CDH13: variants seen among roughly 807,000 people sequenced by gnomAD.
The protein encoded by CDH13 is cadherin-13.
CDH13 carries 24 observed loss-of-function variants against 63.8 expected under a neutral mutation model. The ratio of observed to expected loss-of-function variants is 0.38; its 90% CI spans 0.27 to 0.53. CDH13 has a LOEUF of 0.53. CDH13 is among the 20% of genes least tolerant of loss of function. The pLI, the probability that CDH13 is intolerant of heterozygous loss-of-function variation, is 0.85. For missense variants in CDH13, 1,049 were observed against 903.1 expected (o/e 1.16, Z -2.07); for synonymous variants, 503 against 355.3 (o/e 1.42, Z -4.67).
At chr16:83,519,999 C>T (rs934090559) in intron 7 of CDH13, among the ~76,000 whole-genome samples, 5 of 152,074 alleles carry the variant, frequency 3.3e-5, no homozygotes, top group African/African-American at 1.2e-4. Flanking sequence ...ATCTCATATT[C>T]AGGAAAAGGG....
At chr16:83,561,175 A>G (rs1199628986) in intron 7 of CDH13, among the ~76,000 whole-genome samples, 1 of 152,062 alleles carries the variant, frequency 6.6e-6, no homozygotes, top group African/African-American at 2.4e-5. Flanking sequence ...GGCCGGGCGC[A>G]GTGGCTCACA....
chr16:82,725,769 T>C (rs141570319), intron 1 of CDH13, among the ~76,000 whole-genome samples: 2,974 of 152,296 alleles, frequency 0.02, 74 homozygotes, highest in Middle Eastern at 0.078. Context: ...CTCTGAGAAA[T>C]GTTCTTTTTT....
intron 1 of CDH13, among the ~76,000 whole-genome samples, chr16:82,806,976 G>T (rs1186826900): frequency 6.6e-6 from 1 of 152,126 alleles, no homozygotes; most frequent in Non-Finnish European, 1.5e-5. Flanking sequence ...AGACAACTAT[G>T]GGTAGCAAAG....
rs979483089 is a variant in CDH13, at chr16:83,047,863, T to C, written c.366+15645T>C. 2.0e-5 allele frequency among the ~76,000 whole-genome samples: 3 copies of C among 152,186 alleles called. No homozygotes were observed. The highest frequency in any genetic ancestry group is 1.5e-5 in the Non-Finnish European group (1 of 68,032). The stretch of plus-strand genomic sequence containing the variant: ...TAATAACTCTATAATATAGGTCCTA[T>C]TTTATCTTCATTTTACAGGTGAATA... On this transcript the variant is annotated intron_variant, in intron 3 of 13. Coordinates refer to ENST00000567109, the MANE Select transcript of CDH13 (RefSeq NM_001257.5). The surrounding 1 kb of genome is among the most constrained non-coding windows in gnomAD (Gnocchi z 4.9).
In CDH13 at chr16:82,871,081, C is replaced by G. The variant is rs145655416; in HGVS notation, c.157+12608C>G. 4.0e-3 allele frequency among the ~76,000 whole-genome samples: 605 copies of G among 152,296 alleles called. 4 individuals are homozygous for G. Among genetic ancestry groups the G allele is most frequent in the African/African-American group, 0.014 (578 of 41,570 alleles). On this transcript the variant is annotated intron_variant, in intron 2 of 13. Transcript: ENST00000567109. ...ACCATCTTGAAGTTTTTGATGCTGT[C>G]TTGTTTCTGTCATATCAGTAACACT...
intron 1 of CDH13, among the ~76,000 whole-genome samples, chr16:82,735,745 C>A (rs565191760): frequency 1.3e-5 from 2 of 152,202 alleles, no homozygotes; most frequent in East Asian, 3.8e-4. Flanking sequence ...CAGTAAAGCA[C>A]TTTATCACAT....
At chr16:83,623,193 TG>T (rs1208433407) in intron 8 of CDH13, among the ~76,000 whole-genome samples, 4 of 151,890 alleles carry the variant, frequency 2.6e-5, no homozygotes, top group Admixed American at 2.0e-4. Context: ...GGCTGAGAGG[TG>T]GGGCCAGGGC....
intron 2 of CDH13, among the ~76,000 whole-genome samples, chr16:82,881,393 G>T (rs1330822570): frequency 6.6e-6 from 1 of 152,090 alleles, no homozygotes; most frequent in African/African-American, 2.4e-5. Flanking sequence ...CTTATCAAAG[G>T]CTCAGTCAAT....
intron 6 of CDH13, among the ~76,000 whole-genome samples, chr16:83,430,073 CAA>C (rs1396054400): frequency 6.6e-6 from 1 of 152,094 alleles, no homozygotes; most frequent in East Asian, 1.9e-4. Flanking sequence ...GGAGTTTCCT[CAA>C]AAAATTAAAA....
chr16:83,040,647 C>G (rs535865606), intron 3 of CDH13, among the ~76,000 whole-genome samples: 1 of 152,312 alleles, frequency 6.6e-6, no homozygotes, highest in East Asian at 1.9e-4. Flanking sequence ...GAGGGTGGGT[C>G]TGCCTCTCCC....
At position 83,562,028 on chromosome 16, in the gene CDH13, G is replaced by A. The variant is rs2075718411; in HGVS notation, c.961-40426G>A. On this transcript the variant is annotated intron_variant, in intron 7 of 13. Coordinates refer to ENST00000567109, the MANE Select transcript of CDH13 (RefSeq NM_001257.5). ...GAGAGCAGAATTCTGAGAAACCCAT[G>A]TCCAGAGAATGTGGTCAGGACCTTG... Among the ~76,000 whole-genome samples the A allele has an allele frequency of 3.9e-5, 6 of 152,180 alleles. No homozygotes were observed. In the South Asian group the frequency reaches 1.2e-3, roughly 32 times the overall value.
At chr16:83,471,427 A>C (rs747287167) in intron 6 of CDH13, among the ~76,000 whole-genome samples, 1 of 152,206 alleles carries the variant, frequency 6.6e-6, no homozygotes, top group Non-Finnish European at 1.5e-5. Context: ...GGTGGCTGCC[A>C]CAGCGCCCGG....
chr16:83,187,213 C>G (rs1291737769), intron 4 of CDH13, among the ~76,000 whole-genome samples: 4 of 152,186 alleles, frequency 2.6e-5, no homozygotes, highest in African/African-American at 9.6e-5. Context: ...TCAGGTGATC[C>G]ACCCACCTCG....
intron 1 of CDH13, among the ~76,000 whole-genome samples, chr16:82,668,309 C>T (rs560910679): frequency 6.6e-6 from 1 of 152,046 alleles, no homozygotes; most frequent in African/African-American, 2.4e-5. Context: ...AACTGCCAAC[C>T]CCAGGGATGG....
rs550814080 is a variant in CDH13, at chr16:83,427,203, C to T, written c.782-59274C>T. The stretch of plus-strand genomic sequence containing the variant: ...TGCTGGGATTACAGGTGTGAGCCAC[C>T]GCGCCCGGCCTAAATATGTTTCTTA... On this transcript the variant is annotated intron_variant, in intron 6 of 13. Transcript: ENST00000567109. 7.4e-4 allele frequency among the ~76,000 whole-genome samples: 112 copies of T among 152,026 alleles called. No homozygotes were observed. The South Asian group carries it at 7.5e-3, about 10-fold the overall frequency.
rs148199104 is a variant in CDH13, at chr16:83,625,483, G to A, written c.1101+22889G>A. Among the ~76,000 whole-genome samples, 982 of 152,220 alleles carry A rather than the reference G, an allele frequency of 6.5e-3. 32 individuals are homozygous for A. The highest frequency in any genetic ancestry group is 3.5e-3 in the Admixed American group (53 of 15,302). ...TACTGACCATCGCTAACAGGACTGC[G>A]TGCTGAGAGCCGAGCCTGTTACCTG... On this transcript the variant is annotated intron_variant, in intron 8 of 13. Coordinates refer to ENST00000567109, the MANE Select transcript of CDH13 (RefSeq NM_001257.5).
At chr16:82,975,250 C>T (rs1909336253) in intron 2 of CDH13, among the ~76,000 whole-genome samples, 1 of 152,298 alleles carries the variant, frequency 6.6e-6, no homozygotes, top group East Asian at 1.9e-4. Context: ...ATTAGGAAAG[C>T]AGAGATAAGG....
chr16:83,771,478 G>C (rs775897979), intron 11 of CDH13, among the ~76,000 whole-genome samples: 7 of 152,206 alleles, frequency 4.6e-5, no homozygotes, highest in Non-Finnish European at 1.0e-4. Flanking sequence ...CCAGAAACAA[G>C]GGCAAGCAGA....
intron 7 of CDH13, among the ~76,000 whole-genome samples, chr16:83,580,368 A>G (rs1281703879): frequency 1.3e-5 from 2 of 151,906 alleles, no homozygotes. Context: ...TTAGTAATTG[A>G]TTAAATTGGT....
Sources: allele counts gnomAD v4.1 joint callset (sites outside exome capture counted in the v4.1 genomes callset), GRCh38; gene constraint gnomAD v4.1.1; non-coding constraint Gnocchi (gnomAD v3.1); transcripts MANE v1.5; gene names NCBI Gene and HGNC (gene_info 2026-07-23, HGNC 2026-07-21).